Variants in PI4K2B observed in about 807,000 individuals in gnomAD.
PI4K2B encodes the protein phosphatidylinositol 4-kinase type 2 beta.
In PI4K2B, 46 loss-of-function variants were observed where a neutral mutation model predicts 56.6. The ratio of observed to expected loss-of-function variants is 0.81; its 90% CI spans 0.64 to 1.04. The LOEUF is 1.04. Among genes scored for constraint, PI4K2B ranks in the 50% least tolerant of loss-of-function variants. The pLI is 0.00. For synonymous variants in PI4K2B, 211 were observed against 223.8 expected (o/e 0.94, Z 0.51); for missense variants, 556 against 607.7 (o/e 0.91, Z 0.89).
rs911461592 is a variant in PI4K2B, at chr4:25,234,223, G to A, written c.60G>A (p.Glu20=). 3 of 1,423,966 alleles carry A rather than the reference G, an allele frequency of 2.1e-6. No individual in the cohort carries two copies. Among genetic ancestry groups the A allele is most frequent in the East Asian group, 3.0e-5 (1 of 33,294 alleles). 88.2% of individuals were successfully genotyped at this position (1,423,966 alleles called of 1,614,324 possible). Residue 20 remains glutamate (E), a synonymous_variant, in exon 1 of 10, where the codon GAG becomes GAA. Transcript: ENST00000264864. ...LASADGGSPE[E]EEDGEREPLL... Reference sequence around the variant, plus strand: ...CCGCGGACGGCGGGAGCCCGGAGGAGGAGGAGGATGGGGAGCGGGAGCCGC... The same window carrying A: ...CCGCGGACGGCGGGAGCCCGGAGGAAGAGGAGGATGGGGAGCGGGAGCCGC...
intron 1 of PI4K2B, among the ~76,000 whole-genome samples, chr4:25,241,164 G>A (rs891480368): frequency 1.4e-4 from 21 of 152,242 alleles, no homozygotes; most frequent in Admixed American, 3.3e-4. Context: ...GGGCATGTAG[G>A]ATTAGATAAG....
chr4:25,249,384 T>TGGC, intron 1 of PI4K2B, among the ~76,000 whole-genome samples: 1 of 138,162 alleles, frequency 7.2e-6, no homozygotes, highest in Non-Finnish European at 1.6e-5. Context: ...CCAGACGGGG[T>TGGC]GGCCGGGCAG....
At position 25,234,379 on chromosome 4, in the gene PI4K2B, G is replaced by C. The variant is rs1456816848; in HGVS notation, c.216G>C (p.Gly72=). ...EELPLPPGDV[G]VSRSSSAELD... is the part of the protein sequence containing the mutation. The stretch of plus-strand genomic sequence containing the variant: ...TGCCCCTCCCGCCCGGGGACGTGGG[G>C]GTCTCCCGGAGTTCGTCCGCCGAGC... Residue 72 remains glycine, a synonymous_variant, in exon 1 of 10, where the codon GGG becomes GGC. Coordinates refer to ENST00000264864, the MANE Select transcript of PI4K2B (RefSeq NM_018323.4). 1 of 1,403,206 alleles carries C rather than the reference G, an allele frequency of 7.1e-7. No homozygotes were observed. The highest frequency in any genetic ancestry group is 1.5e-5 in the African/African-American group (1 of 67,358). The allele number at this position is 1,403,206 out of a possible 1,614,324, so 86.9% of individuals were successfully genotyped here.
At chr4:25,266,579 C>T (rs1716669804) in intron 7 of PI4K2B, among the ~76,000 whole-genome samples, 1 of 151,904 alleles carries the variant, frequency 6.6e-6, no homozygotes, top group Non-Finnish European at 1.5e-5. Flanking sequence ...GTCTTGGTTC[C>T]ATTTTATTAT....
chr4:25,272,632 A>G (rs1016378768), intron 9 of PI4K2B, among the ~76,000 whole-genome samples: 3 of 152,154 alleles, frequency 2.0e-5, no homozygotes, highest in Non-Finnish European at 2.9e-5. Context: ...ACACCTGTGC[A>G]TAGCCACTGC....
intron 2 of PI4K2B, among the ~76,000 whole-genome samples, 193 bp from the exon 3 acceptor site, chr4:25,254,872 A>G (rs1439834746): frequency 6.6e-6 from 1 of 152,186 alleles, no homozygotes; most frequent in Non-Finnish European, 1.5e-5. Flanking sequence ...ATTGTTGAAT[A>G]AGAATGAATA....
At chr4:25,272,302 A>C in intron 9 of PI4K2B, among the ~76,000 whole-genome samples, 1 of 152,246 alleles carries the variant, frequency 6.6e-6, no homozygotes, top group East Asian at 1.9e-4. Flanking sequence ...ATATAATAAA[A>C]TATGAAGATG....
chr4:25,269,266 TTCC>T, intron 9 of PI4K2B, 63 bp downstream of exon 9: 2 of 876,142 alleles, frequency 2.3e-6, no homozygotes, highest in Non-Finnish European at 3.8e-6. Flanking sequence ...GTCAACTGTT[TTCC>T]CCACTGTGAT....
chr4:25,241,155 G>A (rs929367560), intron 1 of PI4K2B, among the ~76,000 whole-genome samples: 4 of 152,330 alleles, frequency 2.6e-5, no homozygotes, highest in Non-Finnish European at 2.9e-5. Context: ...TTGCAGCATG[G>A]GCATGTAGGA....
At chr4:25,256,434 C>A in intron 3 of PI4K2B, 109 bp from the exon 4 acceptor site, 1 of 1,033,732 alleles carries the variant, frequency 9.7e-7, no homozygotes, top group Non-Finnish European at 1.4e-6. Context: ...GCCTTTATTA[C>A]AGGATTAAAC....
In PI4K2B at chr4:25,239,928, G is replaced by A. The variant is rs184766513; in HGVS notation, c.268+5497G>A. 2.6e-5 allele frequency among the ~76,000 whole-genome samples: 4 copies of A among 152,330 alleles called. No homozygotes were observed. In the East Asian group the frequency reaches 7.7e-4, roughly 29 times the overall value. Reference sequence around the variant, plus strand: ...GTGTCCTCCAGAGGGGAGCTCTCTAGGCCAGTAAAAGTGCCAGCAGGTTGG... The same window carrying A: ...GTGTCCTCCAGAGGGGAGCTCTCTAAGCCAGTAAAAGTGCCAGCAGGTTGG... On this transcript the variant is annotated intron_variant, in intron 1 of 9. Coordinates refer to ENST00000264864, the MANE Select transcript of PI4K2B (RefSeq NM_018323.4).
chr4:25,255,051 C>G lies in PI4K2B; in HGVS notation c.424-14C>G. The G allele has an allele frequency of 6.3e-7, 1 of 1,583,710 alleles. No homozygotes were observed. The highest frequency in any genetic ancestry group is 8.7e-7 in the Non-Finnish European group (1 of 1,153,808). ...TGTAAAAAGTCTAATAAGATTTTTA[C>G]TTTTTTGCTCTAGAAAATTATTGGT... On this transcript the variant is annotated splice_polypyrimidine_tract_variant and intron_variant, in intron 2 of 9. Transcript: ENST00000264864.
chr4:25,252,201 C>A, intron 1 of PI4K2B, 120 bp from the exon 2 acceptor site: 2 of 590,806 alleles, frequency 3.4e-6, no homozygotes, highest in Non-Finnish European at 2.9e-6. Context: ...AGGATTAGAG[C>A]AGTCTATACA....
At chr4:25,253,427 A>T (rs191864107) in intron 2 of PI4K2B, among the ~76,000 whole-genome samples, 1 of 152,164 alleles carries the variant, frequency 6.6e-6, no homozygotes, top group Non-Finnish European at 1.5e-5. Flanking sequence ...ATTTCACCCA[A>T]TTTTTTTGGC....
intron 6 of PI4K2B, 24 bp from the exon 7 acceptor site, chr4:25,263,726 A>G: frequency 1.2e-6 from 1 of 850,832 alleles, no homozygotes; most frequent in Non-Finnish European, 2.0e-6. Context: ...TCTTTTATCA[A>G]CATATCATTT....
In PI4K2B at chr4:25,234,514, G is replaced by A; in HGVS notation, c.268+83G>A. 5.9e-6 allele frequency: 6 copies of A among 1,012,342 alleles called. 1 individual carries two copies. The African/African-American group carries it at 6.6e-5, about 11-fold the overall frequency. The allele number at this position is 1,012,342 out of a possible 1,614,324, so 62.7% of individuals were successfully genotyped here. On this transcript the variant is annotated intron_variant, in intron 1 of 9. Coordinates refer to ENST00000264864, the MANE Select transcript of PI4K2B (RefSeq NM_018323.4). ...CGGCTCGGTCCTGTCTCCCGCGCGCGCTGGCCGAGGTGGACGGGCTTTCCC... is the reference window on the plus strand; with the variant it reads ...CGGCTCGGTCCTGTCTCCCGCGCGCACTGGCCGAGGTGGACGGGCTTTCCC...
intron 9 of PI4K2B, among the ~76,000 whole-genome samples, chr4:25,275,674 C>CA (rs1474764668): frequency 4.7e-5 from 7 of 148,876 alleles, no homozygotes; most frequent in South Asian, 2.2e-4. Flanking sequence ...CAAAACAAAA[C>CA]AAAACAAAAA....
intron 4 of PI4K2B, among the ~76,000 whole-genome samples, chr4:25,256,897 A>G (rs182869214): frequency 4.6e-5 from 7 of 151,408 alleles, no homozygotes; most frequent in Admixed American, 4.6e-4. Flanking sequence ...CCCAGTTTAG[A>G]GGGATGGGAG....
Position 25,252,592 on chromosome 4 carries a change from T to C in PI4K2B, c.423+117T>C. 5.0e-6 allele frequency: 4 copies of C among 808,058 alleles called. 1 individual carries two copies. The African/African-American group carries it at 6.9e-5, about 14-fold the overall frequency. 50.1% of individuals were successfully genotyped at this position (808,058 alleles called of 1,614,324 possible). On this transcript the variant is annotated intron_variant, in intron 2 of 9. Transcript: ENST00000264864. ...CCTATTAAGTCTGATTGTAACCTCT[T>C]TTCCAAAACAAAGGTCAGTTTTTGT...
Sources: gnomAD v4.1 joint callset for allele counts (sites outside exome capture counted in the v4.1 genomes callset) on GRCh38, gnomAD v4.1.1 for gene constraint, MANE v1.5 for transcripts, NCBI Gene and HGNC (gene_info 2026-07-23, HGNC 2026-07-21) for gene names.